The following AIMP1 variants were observed in gnomAD, a reference collection of about 807,000 sequenced individuals.
The protein encoded by AIMP1 is aminoacyl tRNA synthetase complex interacting multifunctional protein 1, also known as aminoacyl tRNA synthase complex-interacting multifunctional protein 1.
In AIMP1, 24 loss-of-function variants were observed where a neutral mutation model predicts 33.1. The observed-to-expected ratio is 0.73, with a 90% CI of 0.53 to 1.02. The LOEUF (loss-of-function observed/expected upper bound fraction) is 1.02, where lower values mean the gene tolerates loss of function less well. Ranked by LOEUF, AIMP1 falls within the 50% of genes least tolerant of loss-of-function variation. AIMP1 has a pLI of 0.00. For synonymous variants in AIMP1, 120 were observed against 121.5 expected, an observed-to-expected ratio of 0.99 and a Z score of 0.08; for missense variants, 367 against 364.8, an observed-to-expected ratio of 1.01 and a Z score of -0.05.
At chr4:106,326,239 A>C (rs146243101) in intron 2 of AIMP1, among the ~76,000 whole-genome samples, 1 of 152,196 alleles carries the variant, frequency 6.6e-6, no homozygotes, top group Non-Finnish European at 1.5e-5. Context: ...CTTTGTGTTT[A>C]TATATAAAGA....
chr4:106,344,137 C>T (rs1046961616), intron 6 of AIMP1, among the ~76,000 whole-genome samples: 5 of 152,224 alleles, frequency 3.3e-5, no homozygotes, highest in South Asian at 2.1e-4. Context: ...TCACTGGCTG[C>T]CCCTGTCATT....
rs777337065 is a variant in AIMP1, at chr4:106,331,734, G to A, written c.454G>A (p.Val152Ile). 1.1e-5 allele frequency: 17 copies of A among 1,613,896 alleles called. No individual in the cohort carries two copies. The highest frequency in any genetic ancestry group is 3.3e-5 in the South Asian group (3 of 91,078). Residue 152 changes from valine (V) to isoleucine (I), a missense_variant, in exon 5 of 7, where the codon GTT becomes ATT. Val to Ile is a conservative substitution (Grantham distance 29). Transcript: ENST00000672341. ...AGSADSKPID[V>I]SRLDLRIGCI... ...AAGTGCCGACTCTAAGCCAATAGATGTTTCCCGTCTGGATCTTCGAATTGG... is the reference window on the plus strand; with the variant it reads ...AAGTGCCGACTCTAAGCCAATAGATATTTCCCGTCTGGATCTTCGAATTGG...
intron 1 of AIMP1, among the ~76,000 whole-genome samples, chr4:106,322,684 G>A (rs1420427762): frequency 6.6e-6 from 1 of 152,056 alleles, no homozygotes; most frequent in Non-Finnish European, 1.5e-5. Context: ...TCTAGGACTG[G>A]AGAAGAAGTA....
intron 6 of AIMP1, among the ~76,000 whole-genome samples, chr4:106,341,213 C>T (rs1243104958): frequency 2.6e-5 from 4 of 152,186 alleles, no homozygotes; most frequent in Non-Finnish European, 5.9e-5. Flanking sequence ...TCTGTTTACT[C>T]TGCTGATAGT....
chr4:106,330,189 A>G lies in AIMP1; in HGVS notation c.392-1483A>G, dbSNP rs142214242. Among the ~76,000 whole-genome samples the G allele has an allele frequency of 6.8e-4, 103 of 152,270 alleles. 3 individuals are homozygous for G. In the East Asian group the frequency reaches 0.015, roughly 23 times the overall value. The stretch of plus-strand genomic sequence containing the variant: ...CTTGGTATAGATTTTAATATTTGCA[A>G]TCATTTCTAGAATGGGGATTCCTGA... On this transcript the variant is annotated intron_variant, in intron 4 of 6. Transcript: ENST00000672341.
chr4:106,331,972 CA>C, intron 5 of AIMP1, 89 bp downstream of exon 5: 1 of 1,215,572 alleles, frequency 8.2e-7, no homozygotes, highest in Non-Finnish European at 1.2e-6. Context: ...TTTTGTATAC[CA>C]TACAACATGT....
intron 6 of AIMP1, among the ~76,000 whole-genome samples, chr4:106,346,380 G>T (rs1298452377): frequency 6.6e-6 from 1 of 152,080 alleles, no homozygotes; most frequent in African/African-American, 2.4e-5. Context: ...TTGTCAGGGG[G>T]CAGAGTGCTG....
chr4:106,344,917 C>T (rs1410243663), intron 6 of AIMP1, among the ~76,000 whole-genome samples: 1 of 150,988 alleles, frequency 6.6e-6, no homozygotes. Context: ...AAACATTTAG[C>T]CAACTGCCTG....
In AIMP1 at chr4:106,348,716, CAT is replaced by C. The variant is rs1472506298; in HGVS notation, c.*1025_*1026del. ...ATTACTGATGATTTGGGCTTACACACATGTCAGCAAGATAGGGAGTGTGGATA... is the reference window on the plus strand; with the variant it reads ...ATTACTGATGATTTGGGCTTACACACGTCAGCAAGATAGGGAGTGTGGATA... On this transcript the variant is annotated 3_prime_UTR_variant, in exon 7 of 7. Coordinates refer to ENST00000672341, the MANE Select transcript of AIMP1 (RefSeq NM_001142416.2). 2 of 152,078 alleles carry C rather than the reference CAT, an allele frequency of 1.3e-5. No homozygotes were observed. The highest frequency in any genetic ancestry group is 2.9e-5 in the Non-Finnish European group (2 of 68,010). 9.4% of individuals were successfully genotyped at this position (152,078 alleles called of 1,614,324 possible). A position where few individuals can be genotyped will look rare whatever the true frequency, so the allele number is the denominator to read the frequency against.
At chr4:106,325,172 A>G (rs1054719456) in intron 2 of AIMP1, 54 bp downstream of exon 2, 1 of 1,448,566 alleles carries the variant, frequency 6.9e-7, no homozygotes, top group African/African-American at 1.4e-5. Flanking sequence ...TCATACATTG[A>G]TGGAGAAAAA....
At chr4:106,318,977 C>T (rs940098732) in intron 1 of AIMP1, among the ~76,000 whole-genome samples, 2 of 151,834 alleles carry the variant, frequency 1.3e-5, no homozygotes, top group Admixed American at 1.3e-4. Context: ...AATAATAGAG[C>T]TTCTTGGGAT....
chr4:106,321,566 C>G (rs985720364), intron 1 of AIMP1: 4 of 154,290 alleles, frequency 2.6e-5, no homozygotes, highest in Admixed American at 1.3e-4. Context: ...GCAGCGGCCC[C>G]GTCCGGGAGG....
chr4:106,334,335 A>G (rs1184855951), intron 5 of AIMP1, among the ~76,000 whole-genome samples: 2 of 146,356 alleles, frequency 1.4e-5, no homozygotes, highest in East Asian at 4.0e-4. Flanking sequence ...GTCTCGGCTC[A>G]CTGCAACCAC....
Position 106,349,099 on chromosome 4 carries a change from G to A in AIMP1, c.*1407G>A, listed in dbSNP as rs1311261906. ...TATATTATAGTACCATTATCAATGTGATATTCTGAAAATATGAACTGAGCG... is the reference window on the plus strand; with the variant it reads ...TATATTATAGTACCATTATCAATGTAATATTCTGAAAATATGAACTGAGCG... On this transcript the variant is annotated 3_prime_UTR_variant, in exon 7 of 7. Transcript: ENST00000672341. The A allele has an allele frequency of 2.0e-5, 3 of 151,984 alleles. No homozygotes were observed. Among genetic ancestry groups the A allele is most frequent in the South Asian group, 2.1e-4 (1 of 4,830 alleles). The allele number at this position is 151,984 out of a possible 1,614,324, so 9.4% of individuals were successfully genotyped here.
intron 4 of AIMP1, among the ~76,000 whole-genome samples, chr4:106,328,871 G>A (rs914052728): frequency 2.6e-5 from 4 of 151,974 alleles, no homozygotes; most frequent in Admixed American, 6.6e-5. Flanking sequence ...GGTTTTCAAC[G>A]ATCTTTCATC....
intron 6 of AIMP1, among the ~76,000 whole-genome samples, chr4:106,337,281 C>G (rs1366164378): frequency 6.6e-6 from 1 of 152,046 alleles, no homozygotes; most frequent in African/African-American, 2.4e-5. Context: ...TGACTATGTC[C>G]CCACCAAAAT....
intron 3 of AIMP1, among the ~76,000 whole-genome samples, 190 bp downstream of exon 3, chr4:106,327,754 A>C (rs150657229): frequency 1.3e-5 from 2 of 152,308 alleles, no homozygotes; most frequent in East Asian, 3.9e-4. Flanking sequence ...GAATTACATG[A>C]GTTAATTTGT....
chr4:106,330,702 T>C (rs1372051236), intron 4 of AIMP1, among the ~76,000 whole-genome samples: 1 of 152,242 alleles, frequency 6.6e-6, no homozygotes, highest in South Asian at 2.1e-4. Context: ...ACTGCCCATC[T>C]TACTGTTTCC....
At chr4:106,328,383 T>C (rs1415684237) in intron 4 of AIMP1, 140 bp downstream of exon 4, 2 of 1,131,336 alleles carry the variant, frequency 1.8e-6, no homozygotes, top group Non-Finnish European at 2.5e-6. Context: ...AATATGATAT[T>C]GGAACATAAA....
Sources: allele counts gnomAD v4.1 joint callset (sites outside exome capture counted in the v4.1 genomes callset), GRCh38; gene constraint gnomAD v4.1.1; transcripts MANE v1.5; gene names NCBI Gene and HGNC (gene_info 2026-07-23, HGNC 2026-07-21).